CAMK2G: variants seen among roughly 807,000 people sequenced by gnomAD.
CAMK2G encodes calcium/calmodulin dependent protein kinase II gamma.
In CAMK2G, 23 loss-of-function variants were observed where a neutral mutation model predicts 88.7. The observed-to-expected ratio is 0.26, with a 90% CI of 0.19 to 0.37. The LOEUF (loss-of-function observed/expected upper bound fraction) is 0.37. Among genes scored for constraint, CAMK2G ranks in the 10% least tolerant of loss-of-function variants. The pLI is 1.00. For missense variants in CAMK2G, 476 were observed against 780.8 expected (o/e 0.61, Z 4.65); for synonymous variants, 263 against 294.8 (o/e 0.89, Z 1.11).
At chr10:73,817,001 T>C in intron 21 of CAMK2G, 22 bp downstream of exon 21, 1 of 1,613,924 alleles carries the variant, frequency 6.2e-7, no homozygotes, top group Non-Finnish European at 8.5e-7. Context: ...CAGGAGTATA[T>C]CAGCAGCACG....
At chr10:73,822,356 T>C (rs1343094571) in intron 17 of CAMK2G, among the ~76,000 whole-genome samples, 1 of 152,086 alleles carries the variant, frequency 6.6e-6, no homozygotes, top group Non-Finnish European at 1.5e-5. Context: ...TTATTAGAGA[T>C]GGGGTTTCAT....
intron 5 of CAMK2G, among the ~76,000 whole-genome samples, chr10:73,851,230 A>G (rs985166966): frequency 2.0e-5 from 3 of 152,244 alleles, no homozygotes; most frequent in Non-Finnish European, 4.4e-5. Flanking sequence ...TAAGCCAGAT[A>G]AGCTGCAGGC....
At chr10:73,873,477 A>G in intron 1 of CAMK2G, 1 of 1,047,526 alleles carries the variant, frequency 9.5e-7, no homozygotes, top group Non-Finnish European at 1.2e-6. Flanking sequence ...CTCAGCAGGA[A>G]CAGTTGAAGG....
At chr10:73,873,374 T>C (rs2095911674) in intron 1 of CAMK2G, 4 of 1,288,520 alleles carry the variant, frequency 3.1e-6, no homozygotes, top group Middle Eastern at 3.1e-4. Context: ...GGGTGGGCGA[T>C]GCTGAAAACA....
Position 73,874,395 on chromosome 10 carries a change from A to G in CAMK2G, c.65+2T>C. 1.3e-6 allele frequency: 2 copies of G among 1,492,758 alleles called. No individual in the cohort carries two copies. Among genetic ancestry groups the G allele is most frequent in the Non-Finnish European group, 1.8e-6 (2 of 1,110,156 alleles). The allele number at this position is 1,492,758 out of a possible 1,614,324, so 92.5% of individuals were successfully genotyped here. A position where few individuals can be genotyped will look rare whatever the true frequency, so the allele number is the denominator to read the frequency against. ...CAGGGGACCGCGGCGGGCGGGCCGT[A>G]CTTGCCAAGCTCCTCGAAGAGCTGG... is the stretch of plus-strand genomic sequence containing the variant. On this transcript the variant is annotated splice_donor_variant, in intron 1 of 22. Transcript: ENST00000423381. LOFTEE classifies it high-confidence loss of function.
At chr10:73,872,956 C>T (rs944683495) in intron 2 of CAMK2G, 33 bp downstream of exon 2, 2 of 1,409,054 alleles carry the variant, frequency 1.4e-6, no homozygotes, top group Non-Finnish European at 2.0e-6. Context: ...CTGGAGGCAC[C>T]CTCAGGAAGA....
chr10:73,824,998 G>A (rs2090424211), intron 16 of CAMK2G, among the ~76,000 whole-genome samples: 1 of 152,224 alleles, frequency 6.6e-6, no homozygotes, highest in Non-Finnish European at 1.5e-5. Flanking sequence ...TAGGGGTCCT[G>A]GGCTGGGCCT....
chr10:73,824,464 G>A (rs113190109), intron 16 of CAMK2G, among the ~76,000 whole-genome samples: 5 of 152,344 alleles, frequency 3.3e-5, no homozygotes, highest in African/African-American at 4.8e-5. Context: ...CGCCCACAGC[G>A]TTCATCACGG....
chr10:73,867,579 TG>T (rs1307374247), intron 2 of CAMK2G, among the ~76,000 whole-genome samples: 2 of 151,846 alleles, frequency 1.3e-5, no homozygotes, highest in African/African-American at 4.8e-5. Flanking sequence ...GGGGAGCAGA[TG>T]GGAAGCTGCG....
rs2094339348 is a variant in CAMK2G at position 73,847,602 on chromosome 10, G to T, written c.697-255C>A. Among the ~76,000 whole-genome samples the T allele has an allele frequency of 2.0e-5, 3 of 152,282 alleles. No individual in the cohort carries two copies. The South Asian group carries it at 6.2e-4, about 32-fold the overall frequency. On this transcript the variant is annotated intron_variant, in intron 9 of 22. Coordinates refer to ENST00000423381, the MANE Select transcript of CAMK2G (RefSeq NM_001367534.1). ...CGGGAAGGGGACTCCAACATTCTCT[G>T]GTTTAAGCCCAGCTCTATACTTAGG... is the stretch of plus-strand genomic sequence containing the variant.
chr10:73,867,620 G>C (rs1443952445), intron 2 of CAMK2G, among the ~76,000 whole-genome samples: 1 of 152,208 alleles, frequency 6.6e-6, no homozygotes, highest in Non-Finnish European at 1.5e-5. Context: ...AGGAAGCGGA[G>C]ATGGTGTTGG....
intron 17 of CAMK2G, among the ~76,000 whole-genome samples, chr10:73,823,364 C>T (rs866352196): frequency 1.1e-4 from 17 of 152,114 alleles, no homozygotes; most frequent in Admixed American, 2.6e-4. Flanking sequence ...TACAGGCACG[C>T]GCCACCACAC....
chr10:73,872,921 G>A, intron 2 of CAMK2G, 68 bp downstream of exon 2: 1 of 988,964 alleles, frequency 1.0e-6, no homozygotes, highest in Non-Finnish European at 1.6e-6. Context: ...AATTCCTGGG[G>A]CTTCCTCAAA....
At chr10:73,819,898 C>A (rs1192978968) in intron 18 of CAMK2G, among the ~76,000 whole-genome samples, 1 of 152,184 alleles carries the variant, frequency 6.6e-6, no homozygotes, top group Admixed American at 6.5e-5. Context: ...ACGAGCCTTA[C>A]AACAGCCTGT....
intron 15 of CAMK2G, among the ~76,000 whole-genome samples, chr10:73,825,605 C>T (rs2090661048): frequency 6.6e-6 from 1 of 152,224 alleles, no homozygotes; most frequent in Non-Finnish European, 1.5e-5. Flanking sequence ...CTCCAGAAAT[C>T]TCTGCTTATG....
chr10:73,824,168 C>T, intron 16 of CAMK2G, 84 bp from the exon 17 acceptor site: 1 of 947,354 alleles, frequency 1.1e-6, no homozygotes. Context: ...CACCCCAGGA[C>T]CCCCGCAGAC....
chr10:73,847,921 G>T, intron 9 of CAMK2G, 67 bp downstream of exon 9: 1 of 917,700 alleles, frequency 1.1e-6, no homozygotes, highest in Non-Finnish European at 1.7e-6. Context: ...CTGCTCCCTT[G>T]GACAGAGCCC....
chr10:73,857,391 G>A (rs1451989217), intron 3 of CAMK2G, among the ~76,000 whole-genome samples: 1 of 152,142 alleles, frequency 6.6e-6, no homozygotes, highest in Non-Finnish European at 1.5e-5. Flanking sequence ...TAACTTGCCA[G>A]AGGTCACAGT....
intron 9 of CAMK2G, among the ~76,000 whole-genome samples, chr10:73,847,577 C>A (rs530222672): frequency 1.3e-5 from 2 of 152,228 alleles, no homozygotes; most frequent in South Asian, 2.1e-4. Flanking sequence ...CAGATTAGAG[C>A]GGGAAGGGGA....
Sources: gnomAD v4.1 joint callset for allele counts (sites outside exome capture counted in the v4.1 genomes callset) on GRCh38, gnomAD v4.1.1 for gene constraint, MANE v1.5 for transcripts, NCBI Gene and HGNC (gene_info 2026-07-23, HGNC 2026-07-21) for gene names.